AP1G1: variants seen among roughly 807,000 people sequenced by gnomAD.
AP1G1 encodes adaptor related protein complex 1 subunit gamma 1.
A neutral mutation model predicts 108.3 loss-of-function variants in AP1G1; 7 were observed. That is an observed-to-expected ratio of 0.06 (90% CI 0.04 to 0.12). AP1G1 has a LOEUF of 0.12. Ranked by LOEUF, AP1G1 falls within the 10% of genes least tolerant of loss-of-function variation. The pLI is 1.00. For missense variants in AP1G1, 756 were observed against 1,010.7 expected, an observed-to-expected ratio of 0.75 and a Z score of 3.42; for synonymous variants, 379 against 353.5, an observed-to-expected ratio of 1.07 and a Z score of -0.81.
At chr16:71,785,938 T>C (rs887743812) in intron 2 of AP1G1, among the ~76,000 whole-genome samples, 5 of 152,098 alleles carry the variant, frequency 3.3e-5, no homozygotes, top group Non-Finnish European at 7.3e-5. Flanking sequence ...ACTGTGATCA[T>C]ACGTGCAGGT....
Position 71,808,759 on chromosome 16 carries a change from T to A in AP1G1, c.-4+4A>T, listed in dbSNP as rs2033089046. On this transcript the variant is annotated splice_donor_region_variant and intron_variant, in intron 1 of 22. Transcript: ENST00000299980. ...ATGCTCTCAGCGCCGGGAGTGACAC[T>A]CACCGGCCCGAAACCTCGAATGAAA... 7.8e-7 allele frequency: 1 copy of A among 1,289,312 alleles called. No individual in the cohort carries two copies. Among genetic ancestry groups the A allele is most frequent in the South Asian group, 1.2e-5 (1 of 81,010 alleles). 79.9% of individuals were successfully genotyped at this position (1,289,312 alleles called of 1,614,324 possible). A position where few individuals can be genotyped will look rare whatever the true frequency, so the allele number is the denominator to read the frequency against.
At position 71,785,182 on chromosome 16, in the gene AP1G1, GA is replaced by G. The variant is rs879815172; in HGVS notation, c.201+4096del. Among the ~76,000 whole-genome samples the G allele has an allele frequency of 1.6e-3, 238 of 149,504 alleles. 1 individual carries two copies. Among genetic ancestry groups the G allele is most frequent in the African/African-American group, 5.2e-3 (213 of 40,662 alleles). ...TCATCAGAAATAGCTAAACTAAAAA[GA>G]AAAAAAAAGAAATAGCTGAACTGTA... On this transcript the variant is annotated intron_variant, in intron 2 of 22. Transcript: ENST00000299980.
chr16:71,782,671 A>T (rs2032068525), intron 2 of AP1G1, among the ~76,000 whole-genome samples: 1 of 151,888 alleles, frequency 6.6e-6, no homozygotes, highest in Non-Finnish European at 1.5e-5. Context: ...TATTTTTAGT[A>T]GAGACAGGGT....
At chr16:71,761,591 A>G in intron 9 of AP1G1, 24 bp from the exon 10 acceptor site, 4 of 1,554,450 alleles carry the variant, frequency 2.6e-6, no homozygotes, top group Non-Finnish European at 2.7e-6. Context: ...GCATAGGTCG[A>G]AATTTAGGAA....
intron 1 of AP1G1, among the ~76,000 whole-genome samples, chr16:71,794,585 G>A (rs1322475806): frequency 6.6e-6 from 1 of 151,710 alleles, no homozygotes; most frequent in Non-Finnish European, 1.5e-5. Flanking sequence ...TATCCAAAAT[G>A]GTTAAGCAAA....
intron 12 of AP1G1, among the ~76,000 whole-genome samples, chr16:71,755,397 A>T (rs1004983803): frequency 3.3e-5 from 5 of 152,136 alleles, no homozygotes; most frequent in Admixed American, 2.6e-4. Context: ...AGACTGTGCC[A>T]CTGCACTCCA....
intron 1 of AP1G1, among the ~76,000 whole-genome samples, chr16:71,801,927 A>G (rs1294292862): frequency 6.6e-6 from 1 of 151,256 alleles, no homozygotes; most frequent in Non-Finnish European, 1.5e-5. Flanking sequence ...GTAACCAAAA[A>G]AAAAAAAAAA....
At chr16:71,736,098 C>CAAAAAAAAAA (rs1213680207) in intron 21 of AP1G1, among the ~76,000 whole-genome samples, 288 of 25,412 alleles carry the variant, frequency 0.011, 42 homozygotes, top group East Asian at 0.047. Flanking sequence ...GACTCCATCT[C>CAAAAAAAAAA]AAAAAAAAAA....
At chr16:71,739,804 T>C (rs573269462) in intron 19 of AP1G1, among the ~76,000 whole-genome samples, 1 of 151,040 alleles carries the variant, frequency 6.6e-6, no homozygotes, top group East Asian at 1.9e-4. Flanking sequence ...ATGTTTGCTA[T>C]ACAGTAATGA....
intron 6 of AP1G1, among the ~76,000 whole-genome samples, chr16:71,766,138 A>G (rs996800676): frequency 6.6e-6 from 1 of 152,200 alleles, no homozygotes; most frequent in Non-Finnish European, 1.5e-5. Context: ...GACAATAGTA[A>G]TACGGTAATC....
chr16:71,746,880 T>C (rs894767023), intron 16 of AP1G1, 188 bp from the exon 17 acceptor site: 16 of 463,542 alleles, frequency 3.5e-5, no homozygotes, highest in Middle Eastern at 6.0e-4. Flanking sequence ...CATTATACTA[T>C]TCTCATTGTA....
At chr16:71,749,258 G>A (rs2030355065) in intron 15 of AP1G1, among the ~76,000 whole-genome samples, 1 of 151,906 alleles carries the variant, frequency 6.6e-6, no homozygotes, top group Non-Finnish European at 1.5e-5. Context: ...AAGGCAGGCA[G>A]ATTGCTTGAG....
intron 10 of AP1G1, among the ~76,000 whole-genome samples, chr16:71,761,051 T>C (rs937217129): frequency 6.6e-6 from 1 of 152,222 alleles, no homozygotes; most frequent in South Asian, 2.1e-4. Context: ...AGAGCAGGGG[T>C]CAACAAACTA....
chr16:71,751,750 A>G (rs1244652177), intron 13 of AP1G1, among the ~76,000 whole-genome samples: 1 of 152,224 alleles, frequency 6.6e-6, no homozygotes, highest in African/African-American at 2.4e-5. Context: ...TGAACCAAGA[A>G]AGACCATATT....
Position 71,732,812 on chromosome 16 carries a change from GA to G in AP1G1, c.*245del. The G allele has an allele frequency of 4.0e-5, 16 of 398,914 alleles. No individual in the cohort carries two copies. The highest frequency in any genetic ancestry group is 8.2e-5 in the East Asian group (2 of 24,460). The allele number at this position is 398,914 out of a possible 1,614,324, so 24.7% of individuals were successfully genotyped here. On this transcript the variant is annotated 3_prime_UTR_variant, in exon 23 of 23. Transcript: ENST00000299980. The stretch of plus-strand genomic sequence containing the variant: ...AATGTGGGAGGGGTGGAGAAGTGCG[GA>G]AAAAGGAGAAGAGGAAGAGTGCAAA...
At chr16:71,779,593 G>A (rs1448898885) in intron 2 of AP1G1, among the ~76,000 whole-genome samples, 1 of 151,982 alleles carries the variant, frequency 6.6e-6, no homozygotes, top group Admixed American at 6.6e-5. Context: ...TGCCCACCTC[G>A]CCTCCCAAAG....
chr16:71,749,547 T>C (rs1688441086), intron 15 of AP1G1, among the ~76,000 whole-genome samples: 1 of 151,978 alleles, frequency 6.6e-6, no homozygotes, highest in African/African-American at 2.4e-5. Flanking sequence ...TGGCAGGTTT[T>C]CCAATATAAT....
chr16:71,787,675 G>C (rs570963673), intron 2 of AP1G1, among the ~76,000 whole-genome samples: 5 of 151,968 alleles, frequency 3.3e-5, no homozygotes, highest in African/African-American at 1.2e-4. Flanking sequence ...TCAATCAACC[G>C]ATCAACAAGA....
chr16:71,773,837 G>A (rs1272794812), intron 3 of AP1G1, among the ~76,000 whole-genome samples: 1 of 150,920 alleles, frequency 6.6e-6, no homozygotes, highest in Admixed American at 6.6e-5. Context: ...CAGCTACTTG[G>A]GAGGCTGAGT....
Sources: allele counts gnomAD v4.1 joint callset (sites outside exome capture counted in the v4.1 genomes callset), GRCh38; gene constraint gnomAD v4.1.1; transcripts MANE v1.5; gene names NCBI Gene and HGNC (gene_info 2026-07-23, HGNC 2026-07-21).